The following NRG2 variants were observed in gnomAD, a reference collection of about 807,000 sequenced individuals.
NRG2 encodes pro-neuregulin-2, membrane-bound isoform.
Under a neutral mutation model 73.9 loss-of-function variants are expected in NRG2, and 27 were observed. The ratio of observed to expected loss-of-function variants is 0.37; its 90% CI spans 0.27 to 0.50. The LOEUF is 0.50. Ranked by LOEUF, NRG2 falls within the 20% of genes least tolerant of loss-of-function variation. The probability of loss-of-function intolerance (pLI) is 0.96; values close to 1 mark genes in which losing one functional copy is unlikely to be tolerated. For missense variants in NRG2, 1,126 were observed against 1,210.1 expected, an observed-to-expected ratio of 0.93 and a Z score of 1.03; for synonymous variants, 532 against 541.0, an observed-to-expected ratio of 0.98 and a Z score of 0.23.
rs199724865 is a variant in NRG2, at chr5:140,023,284, A to G, written c.700+19086T>C. ...TCTCCCCTATATCTCTACCCCAACC[A>G]TGCTAATCTCCTTGTGGTCCTGTAA... On this transcript the variant is annotated intron_variant, in intron 1 of 9. Transcript: ENST00000361474. 3.8e-4 allele frequency among the ~76,000 whole-genome samples: 58 copies of G among 151,946 alleles called. No individual in the cohort carries two copies. In the East Asian group the frequency reaches 6.4e-3, roughly 17 times the overall value.
chr5:139,884,626 A>C (rs550955930), intron 2 of NRG2, among the ~76,000 whole-genome samples: 41 of 152,372 alleles, frequency 2.7e-4, no homozygotes, highest in African/African-American at 9.6e-4. Context: ...AACTGGGTAC[A>C]TAAGCCACAT....
At chr5:139,961,822 T>A (rs923964703) in intron 1 of NRG2, among the ~76,000 whole-genome samples, 3 of 152,202 alleles carry the variant, frequency 2.0e-5, no homozygotes, top group Non-Finnish European at 4.4e-5. Flanking sequence ...CCTTGGCAGC[T>A]CAATCCAGTT....
At chr5:139,948,254 C>T (rs575863490) in intron 1 of NRG2, among the ~76,000 whole-genome samples, 39 of 152,302 alleles carry the variant, frequency 2.6e-4, no homozygotes, top group Non-Finnish European at 3.7e-4. Flanking sequence ...TTTCCTGAGA[C>T]GAATACTCTT....
chr5:140,031,499 A>AT (rs1269377349), intron 1 of NRG2, among the ~76,000 whole-genome samples: 1 of 152,018 alleles, frequency 6.6e-6, no homozygotes, highest in African/African-American at 2.4e-5. Flanking sequence ...TATTTTCACT[A>AT]TTTTTCCCCT....
chr5:140,024,837 C>G (rs1760554089), intron 1 of NRG2, among the ~76,000 whole-genome samples: 1 of 152,208 alleles, frequency 6.6e-6, no homozygotes, highest in African/African-American at 2.4e-5. Context: ...TCTAGATTGT[C>G]TCTCAACCCA....
chr5:139,859,231 C>A (rs77865538), intron 5 of NRG2, among the ~76,000 whole-genome samples: 1 of 152,068 alleles, frequency 6.6e-6, no homozygotes, highest in African/African-American at 2.4e-5. Context: ...AGCTGGGAGA[C>A]AAGGGGCAGG....
At chr5:139,866,328 A>G (rs1762469517) in intron 4 of NRG2, among the ~76,000 whole-genome samples, 1 of 152,210 alleles carries the variant, frequency 6.6e-6, no homozygotes, top group African/African-American at 2.4e-5. Context: ...CTTTCCATGT[A>G]AGTTCTCAAA....
At chr5:139,937,081 C>T (rs1237900777) in intron 1 of NRG2, among the ~76,000 whole-genome samples, 3 of 152,286 alleles carry the variant, frequency 2.0e-5, no homozygotes, top group African/African-American at 4.8e-5. Flanking sequence ...GGATTGCAGG[C>T]GTGAGCCACC....
intron 1 of NRG2, among the ~76,000 whole-genome samples, chr5:139,972,077 G>A (rs960257912): frequency 6.6e-6 from 1 of 152,138 alleles, no homozygotes; most frequent in African/African-American, 2.4e-5. Context: ...ACAATTGCAG[G>A]TGTTGAACAA....
chr5:139,967,916 A>ATG, intron 1 of NRG2, among the ~76,000 whole-genome samples: 1 of 152,056 alleles, frequency 6.6e-6, no homozygotes, highest in African/African-American at 2.4e-5. Flanking sequence ...CTGAGATCGC[A>ATG]CCACTGCACT....
At chr5:139,976,505 T>G (rs541023737) in intron 1 of NRG2, among the ~76,000 whole-genome samples, 1 of 152,308 alleles carries the variant, frequency 6.6e-6, no homozygotes, top group South Asian at 2.1e-4. Flanking sequence ...AACAGTGGGC[T>G]CATTCCCTGA....
chr5:139,921,396 G>C (rs1319525643), intron 1 of NRG2, among the ~76,000 whole-genome samples: 1 of 152,158 alleles, frequency 6.6e-6, no homozygotes, highest in African/African-American at 2.4e-5. Flanking sequence ...AAAGAAAAGA[G>C]CAATAGATCA....
chr5:139,997,473 C>T (rs1758109258), intron 1 of NRG2, among the ~76,000 whole-genome samples: 1 of 152,190 alleles, frequency 6.6e-6, no homozygotes, highest in African/African-American at 2.4e-5. Context: ...AGTAAGCTGC[C>T]TTTATCTTCA....
intron 1 of NRG2, among the ~76,000 whole-genome samples, chr5:139,932,649 G>T (rs549147335): frequency 6.6e-6 from 1 of 152,158 alleles, no homozygotes; most frequent in South Asian, 2.1e-4. Context: ...AAAATACTGT[G>T]AAATAACAGA....
intron 1 of NRG2, among the ~76,000 whole-genome samples, chr5:139,926,171 CT>C (rs1418760298): frequency 6.6e-6 from 1 of 152,228 alleles, no homozygotes; most frequent in African/African-American, 2.4e-5. Flanking sequence ...CGAAGATTTG[CT>C]TCTTTGGGTC....
intron 1 of NRG2, among the ~76,000 whole-genome samples, chr5:139,998,075 CCT>C: frequency 6.6e-6 from 1 of 152,266 alleles, no homozygotes; most frequent in East Asian, 1.9e-4. Flanking sequence ...ACAAAAATAC[CCT>C]GTTTCTACAT....
Position 139,848,367 on chromosome 5 carries a change from A to G in NRG2, c.2103T>C (p.Pro701=). ...CCTCGGGGATGCGGAAGGGGCTGGC[A>G]GGCAGGCTGCCCAGGCTGCCGCCGA... ...CALGGSLGSL[P]ASPFRIPEDD... is the part of the protein sequence containing the mutation. Residue 701 remains proline (P), a synonymous_variant, in exon 10 of 10, where the codon CCT becomes CCC. Transcript: ENST00000361474. 8.1e-7 allele frequency: 1 copy of G among 1,238,732 alleles called. No homozygotes were observed. The highest frequency in any genetic ancestry group is 1.0e-6 in the Non-Finnish European group (1 of 996,320). The allele number at this position is 1,238,732 out of a possible 1,614,324, so 76.7% of individuals were successfully genotyped here. A position where few individuals can be genotyped will look rare whatever the true frequency, so the allele number is the denominator to read the frequency against.
intron 1 of NRG2, among the ~76,000 whole-genome samples, chr5:139,900,304 C>T (rs1283271169): frequency 6.6e-6 from 1 of 152,198 alleles, no homozygotes; most frequent in Non-Finnish European, 1.5e-5. Flanking sequence ...TGTTTATTCA[C>T]ATAATAGAAG....
chr5:140,019,075 A>G (rs1760014553), intron 1 of NRG2, among the ~76,000 whole-genome samples: 1 of 152,220 alleles, frequency 6.6e-6, no homozygotes, highest in African/African-American at 2.4e-5. Flanking sequence ...CAGGCTGCCT[A>G]TAATAAGCAA....
Sources: gnomAD v4.1 joint callset for allele counts (sites outside exome capture counted in the v4.1 genomes callset) on GRCh38, gnomAD v4.1.1 for gene constraint, MANE v1.5 for transcripts, NCBI Gene and HGNC (gene_info 2026-07-23, HGNC 2026-07-21) for gene names.